MORC1: variants seen among roughly 807,000 people sequenced by gnomAD.
The protein encoded by MORC1 is MORC family CW-type zinc finger protein 1.
MORC1 carries 59 observed loss-of-function variants against 134.9 expected under a neutral mutation model. The observed-to-expected ratio is 0.44, with a 90% confidence interval of 0.35 to 0.54. The LOEUF (loss-of-function observed/expected upper bound fraction) is 0.54. MORC1 is among the 20% of genes least tolerant of loss of function. The pLI, the probability that MORC1 is intolerant of heterozygous loss-of-function variation, is 0.00. For synonymous variants in MORC1, 395 were observed against 391.7 expected (o/e 1.01, Z -0.10); for missense variants, 947 against 1,134.5 (o/e 0.83, Z 2.37).
rs757708750 is a variant in MORC1, at chr3:108,963,423, T to C, written c.2790A>G (p.Lys930=). The C allele has an allele frequency of 8.1e-6, 13 of 1,609,996 alleles. No individual in the cohort carries two copies. The South Asian group carries it at 1.5e-4, about 18-fold the overall frequency. ...LRIKLALLLQ[K]LQLGGPEGDL... ...CAACTTTTTCACTCACCAGTTGGAGTTTCTGCAACAATAGTGCCAGTTTTA... is the reference window on the plus strand; with the variant it reads ...CAACTTTTTCACTCACCAGTTGGAGCTTCTGCAACAATAGTGCCAGTTTTA... Residue 930 remains lysine (K), a synonymous_variant, in exon 27 of 28, where the codon AAA becomes AAG. Transcript: ENST00000232603.
chr3:108,988,875 C>T (rs1202228806), intron 21 of MORC1, among the ~76,000 whole-genome samples: 1 of 152,180 alleles, frequency 6.6e-6, no homozygotes, highest in Non-Finnish European at 1.5e-5. Context: ...GCTTTGAGCT[C>T]TAAAGGGCTG....
At chr3:109,056,072 A>G (rs1259179082) in intron 13 of MORC1, among the ~76,000 whole-genome samples, 1 of 152,158 alleles carries the variant, frequency 6.6e-6, no homozygotes, top group African/African-American at 2.4e-5. Flanking sequence ...TGAGCTTAGG[A>G]GGTCTGAGAA....
At chr3:109,049,776 G>A (rs1034294160) in intron 14 of MORC1, among the ~76,000 whole-genome samples, 2 of 152,228 alleles carry the variant, frequency 1.3e-5, no homozygotes, top group Middle Eastern at 6.8e-3. Context: ...ATTATTAGGT[G>A]TACCAATAAG....
At chr3:109,019,331 C>A (rs147971139) in intron 17 of MORC1, among the ~76,000 whole-genome samples, 1 of 152,134 alleles carries the variant, frequency 6.6e-6, no homozygotes, top group Non-Finnish European at 1.5e-5. Context: ...TCCAAAGTCA[C>A]TTTGCCTTCC....
At chr3:108,959,241 T>C in intron 27 of MORC1, 121 bp from the exon 28 acceptor site, 2 of 740,984 alleles carry the variant, frequency 2.7e-6, no homozygotes, top group Admixed American at 3.8e-5. Context: ...CACCTTACAT[T>C]TGAATCATGC....
At chr3:109,046,065 A>G (rs1174682827) in intron 14 of MORC1, among the ~76,000 whole-genome samples, 1 of 152,240 alleles carries the variant, frequency 6.6e-6, no homozygotes, top group Non-Finnish European at 1.5e-5. Flanking sequence ...GAGTAATTTT[A>G]TATTTTACTA....
intron 8 of MORC1, among the ~76,000 whole-genome samples, chr3:109,091,810 C>T (rs2107759277): frequency 6.6e-6 from 1 of 152,196 alleles, no homozygotes; most frequent in Non-Finnish European, 1.5e-5. Flanking sequence ...TTAGAAAATC[C>T]AGTGTGATCT....
chr3:108,962,360 G>A lies in MORC1; in HGVS notation c.2799+1054C>T, dbSNP rs574611337. Among the ~76,000 whole-genome samples the A allele has an allele frequency of 2.6e-5, 4 of 151,666 alleles. No individual in the cohort carries two copies. In the South Asian group the frequency reaches 8.3e-4, roughly 32 times the overall value. The stretch of plus-strand genomic sequence containing the variant: ...CAGATAAATTAAAAATTTTTTTGAA[G>A]TGGGAAGGGACTCCCACGTTTAAAT... On this transcript the variant is annotated intron_variant, in intron 27 of 27. Transcript: ENST00000232603.
intron 14 of MORC1, among the ~76,000 whole-genome samples, chr3:109,040,843 A>G (rs149829248): frequency 2.0e-5 from 3 of 149,650 alleles, no homozygotes; most frequent in Non-Finnish European, 3.0e-5. Context: ...AAAAAAAAAA[A>G]AAAAAAAGAA....
chr3:109,040,485 A>AAAGGAAGAAAGG, intron 14 of MORC1, among the ~76,000 whole-genome samples: 1 of 114,604 alleles, frequency 8.7e-6, no homozygotes, highest in Middle Eastern at 4.2e-3. Context: ...AGAAAGAAAG[A>AAAGGAAGAAAGG]AAGGAAAGAA....
intron 17 of MORC1, among the ~76,000 whole-genome samples, chr3:109,024,135 T>G (rs1949021989): frequency 6.6e-6 from 1 of 152,186 alleles, no homozygotes; most frequent in African/African-American, 2.4e-5. Context: ...GTATTTCCCT[T>G]AACAAATATG....
chr3:108,990,023 T>C (rs950973901), intron 21 of MORC1, among the ~76,000 whole-genome samples: 23 of 152,070 alleles, frequency 1.5e-4, no homozygotes, highest in Non-Finnish European at 3.2e-4. Flanking sequence ...TGAGATCTGA[T>C]GGTTTTATAA....
At chr3:109,073,910 A>AT (rs964848988) in intron 8 of MORC1, among the ~76,000 whole-genome samples, 1 of 152,112 alleles carries the variant, frequency 6.6e-6, no homozygotes, top group African/African-American at 2.4e-5. Flanking sequence ...CGAAGAGGTA[A>AT]TTTTTTTAAA....
At chr3:109,026,492 A>C (rs1038869608) in intron 17 of MORC1, among the ~76,000 whole-genome samples, 5 of 152,198 alleles carry the variant, frequency 3.3e-5, no homozygotes, top group African/African-American at 1.2e-4. Flanking sequence ...AAGCTAATTA[A>C]GTCTTGATGA....
In MORC1 at chr3:108,969,659, G is replaced by C. The variant is rs1947320529; in HGVS notation, c.2604+10C>G. The C allele has an allele frequency of 1.2e-6, 2 of 1,611,062 alleles. No individual in the cohort carries two copies. Among genetic ancestry groups the C allele is most frequent in the Non-Finnish European group, 1.7e-6 (2 of 1,177,352 alleles). ...TAGAATATAAATGGTGATACTGAAA[G>C]GAAGCTTACCTGGTTGAAACACATT... On this transcript the variant is annotated intron_variant, in intron 26 of 27. Transcript: ENST00000232603.
chr3:108,997,242 G>A (rs1475510693), intron 21 of MORC1, among the ~76,000 whole-genome samples: 1 of 151,934 alleles, frequency 6.6e-6, no homozygotes, highest in African/African-American at 2.4e-5. Context: ...TTTAAAAATT[G>A]CTTCAACAAG....
In MORC1 at chr3:109,077,600, G is replaced by GA. The variant is rs200653834; in HGVS notation, c.690-7844dup. ...AACTAATTTGCAAATCATTAGAATA[G>GA]AAAAAAAATAAACTTTTCCTTTTGG... is the stretch of plus-strand genomic sequence containing the variant. On this transcript the variant is annotated intron_variant, in intron 8 of 27. Coordinates refer to ENST00000232603, the MANE Select transcript of MORC1 (RefSeq NM_014429.4). Among the ~76,000 whole-genome samples the GA allele has an allele frequency of 1.0e-3, 151 of 151,026 alleles. No homozygotes were observed. In the East Asian group the frequency reaches 0.028, roughly 28 times the overall value.
chr3:108,988,953 A>G (rs1225419766), intron 21 of MORC1, among the ~76,000 whole-genome samples: 1 of 152,166 alleles, frequency 6.6e-6, no homozygotes, highest in South Asian at 2.1e-4. Flanking sequence ...TGCCATCTCT[A>G]TAACATGAAA....
intron 14 of MORC1, among the ~76,000 whole-genome samples, chr3:109,035,812 C>G (rs1440014866): frequency 2.0e-5 from 3 of 152,106 alleles, no homozygotes; most frequent in Non-Finnish European, 4.4e-5. Flanking sequence ...CCAGGAAAGA[C>G]TGTACTGATT....
Sources: allele counts gnomAD v4.1 joint callset (sites outside exome capture counted in the v4.1 genomes callset), GRCh38; gene constraint gnomAD v4.1.1; transcripts MANE v1.5; gene names NCBI Gene and HGNC (gene_info 2026-07-23, HGNC 2026-07-21).